The following SCN9A variants were observed in gnomAD, a reference collection of about 807,000 sequenced individuals.
The protein encoded by SCN9A is sodium voltage-gated channel alpha subunit 9.
SCN9A carries 131 observed loss-of-function variants against 187.0 expected under a neutral mutation model. The observed-to-expected ratio is 0.70, with a 90% CI of 0.61 to 0.81. SCN9A has a LOEUF of 0.81. SCN9A is among the 30% of genes least tolerant of loss of function. SCN9A has a pLI of 0.00. For synonymous variants in SCN9A, 809 were observed against 808.6 expected (o/e 1.00, Z -0.01); for missense variants, 2,252 against 2,396.6 (o/e 0.94, Z 1.26).
chr2:166,325,636 T>G (rs1699344806), intron 1 of SCN9A, among the ~76,000 whole-genome samples: 4 of 152,180 alleles, frequency 2.6e-5, no homozygotes, highest in South Asian at 4.1e-4. Context: ...AAATATCTTT[T>G]AAGTTGTTAA....
intron 1 of SCN9A, among the ~76,000 whole-genome samples, chr2:166,361,859 C>A (rs143829355): frequency 6.6e-6 from 1 of 151,936 alleles, no homozygotes; most frequent in Non-Finnish European, 1.5e-5. Context: ...TCATTAGCAG[C>A]GGATGCTCCA....
At chr2:166,370,756 T>C (rs1201589455) in intron 1 of SCN9A, among the ~76,000 whole-genome samples, 3 of 151,352 alleles carry the variant, frequency 2.0e-5, no homozygotes, top group Admixed American at 6.6e-5. Context: ...AAAAGTGGAG[T>C]AAAATTTGCC....
chr2:166,241,548 C>T (rs561311141), intron 19 of SCN9A, among the ~76,000 whole-genome samples: 1 of 152,106 alleles, frequency 6.6e-6, no homozygotes, highest in Non-Finnish European at 1.5e-5. Flanking sequence ...TTTTAATTTC[C>T]TGAATATCTG....
rs539504178 is a variant in SCN9A at position 166,196,880 on chromosome 2, A to G, written c.*1792T>C. The G allele has an allele frequency of 4.6e-5, 7 of 152,220 alleles. No individual in the cohort carries two copies. Among genetic ancestry groups the G allele is most frequent in the African/African-American group, 1.7e-4 (7 of 41,568 alleles). The allele number at this position is 152,220 out of a possible 1,614,324, so 9.4% of individuals were successfully genotyped here. A position where few individuals can be genotyped will look rare whatever the true frequency, so the allele number is the denominator to read the frequency against. On this transcript the variant is annotated 3_prime_UTR_variant, in exon 27 of 27. Coordinates refer to ENST00000642356, the MANE Select transcript of SCN9A (RefSeq NM_001365536.1). ...TGAGTTTTATACGTAGATTAGGACAAATGTCTCAAAGTAATAACGGATGTT... is the reference window on the plus strand; with the variant it reads ...TGAGTTTTATACGTAGATTAGGACAGATGTCTCAAAGTAATAACGGATGTT...
rs532594263 is a variant in SCN9A at position 166,255,600 on chromosome 2, A to G, written c.3352-3715T>C. On this transcript the variant is annotated intron_variant, in intron 17 of 26. Transcript: ENST00000642356. The stretch of plus-strand genomic sequence containing the variant: ...ACTGTACAAAACACAGAACTCAACA[A>G]AAACCTTACTCAAAGAGAATGATTG... Among the ~76,000 whole-genome samples the G allele has an allele frequency of 3.3e-5, 5 of 151,620 alleles. No homozygotes were observed. The South Asian group carries it at 1.0e-3, about 31-fold the overall frequency.
rs750815290 is a variant in SCN9A, at chr2:166,198,651, C to T, written c.*21G>A. ...ATAAATCACTTTCACAGGCTGTAAA[C>T]AATATATCAAAAATGAAGCTCTATT... is the stretch of plus-strand genomic sequence containing the variant. On this transcript the variant is annotated 3_prime_UTR_variant, in exon 27 of 27. Coordinates refer to ENST00000642356, the MANE Select transcript of SCN9A (RefSeq NM_001365536.1). 1 of 1,520,668 alleles carries T rather than the reference C, an allele frequency of 6.6e-7. No homozygotes were observed. Among genetic ancestry groups the T allele is most frequent in the Admixed American group, 2.0e-5 (1 of 49,528 alleles). The allele number at this position is 1,520,668 out of a possible 1,614,324, so 94.2% of individuals were successfully genotyped here.
chr2:166,231,942 C>G (rs538089286), intron 21 of SCN9A, among the ~76,000 whole-genome samples: 7 of 152,160 alleles, frequency 4.6e-5, no homozygotes, highest in African/African-American at 1.7e-4. Flanking sequence ...AAGTAAAATA[C>G]AATATAATGA....
chr2:166,221,901 A>G (rs927758185), intron 24 of SCN9A, among the ~76,000 whole-genome samples: 1 of 152,198 alleles, frequency 6.6e-6, no homozygotes, highest in African/African-American at 2.4e-5. Flanking sequence ...TGTTGGGAAA[A>G]CTGGATATTC....
At chr2:166,249,925 T>C (rs529820757) in intron 18 of SCN9A, among the ~76,000 whole-genome samples, 1 of 152,222 alleles carries the variant, frequency 6.6e-6, no homozygotes, top group East Asian at 1.9e-4. Context: ...TAAGTCTATA[T>C]ACTGCTAATA....
chr2:166,320,177 T>C (rs1699202767), intron 1 of SCN9A, among the ~76,000 whole-genome samples: 1 of 152,128 alleles, frequency 6.6e-6, no homozygotes, highest in Non-Finnish European at 1.5e-5. Flanking sequence ...AAGTGATTAT[T>C]CCCTAGATAA....
At position 166,204,376 on chromosome 2, in the gene SCN9A, G is replaced by A. The variant is rs1390273233; in HGVS notation, c.4487C>T (p.Pro1496Leu). Residue 1496 changes from proline (P) to leucine (L), a missense_variant, in exon 25 of 27, where the codon CCA becomes CTA. This residue lies in a region of SCN9A where 368 missense variants were observed against 408.6 expected (regional missense o/e 0.90). Transcript: ENST00000642356. ...TTTTTTTACCCCTGGTCGAGGAATTGGCTTTTGTGGCTTCTTGGACCCCAG... is the reference window on the plus strand; with the variant it reads ...TTTTTTTACCCCTGGTCGAGGAATTAGCTTTTGTGGCTTCTTGGACCCCAG... Reference protein sequence around the residue: ...KKLGSKKPQKPIPRPGNKIQG... With the variant: ...KKLGSKKPQKLIPRPGNKIQG... 1 of 1,608,086 alleles carries A rather than the reference G, an allele frequency of 6.2e-7. No individual in the cohort carries two copies. The highest frequency in any genetic ancestry group is 1.3e-5 in the African/African-American group (1 of 74,776).
chr2:166,321,702 A>T (rs1240704792), intron 1 of SCN9A, among the ~76,000 whole-genome samples: 1 of 152,026 alleles, frequency 6.6e-6, no homozygotes, highest in African/African-American at 2.4e-5. Flanking sequence ...AAAGTTTTTC[A>T]ATGTTTTAAT....
intron 17 of SCN9A, among the ~76,000 whole-genome samples, chr2:166,255,114 GAGAGGA>G (rs944206658): frequency 1.5e-5 from 2 of 130,696 alleles, no homozygotes; most frequent in African/African-American, 5.8e-5. Context: ...GAAAAAGAGA[GAGAGGA>G]GAGAGAGAGA....
At chr2:166,359,189 CT>C (rs1700221807) in intron 1 of SCN9A, among the ~76,000 whole-genome samples, 1 of 152,034 alleles carries the variant, frequency 6.6e-6, no homozygotes, top group Non-Finnish European at 1.5e-5. Flanking sequence ...TTAGATATTA[CT>C]CTTTTATGTG....
intron 2 of SCN9A, among the ~76,000 whole-genome samples, chr2:166,307,992 G>T (rs185496131): frequency 6.6e-6 from 1 of 152,150 alleles, no homozygotes; most frequent in Non-Finnish European, 1.5e-5. Flanking sequence ...ATTTCTCACC[G>T]TATTCAGGAG....
rs113840015 is a variant in SCN9A, at chr2:166,209,085, C to T, written c.4399-4621G>A. ...CAGCTACAAACATAGGAAAAGGGGA[C>T]GGTAGATTAGCTGTTTGAGAGACTC... On this transcript the variant is annotated intron_variant, in intron 24 of 26. Coordinates refer to ENST00000642356, the MANE Select transcript of SCN9A (RefSeq NM_001365536.1). Among the ~76,000 whole-genome samples, 956 of 152,206 alleles carry T rather than the reference C, an allele frequency of 6.3e-3. 5 individuals are homozygous for T. Among genetic ancestry groups the T allele is most frequent in the Middle Eastern group, 0.051 (15 of 294 alleles).
intron 1 of SCN9A, among the ~76,000 whole-genome samples, chr2:166,366,358 T>C (rs1034928081): frequency 3.9e-5 from 6 of 152,182 alleles, no homozygotes; most frequent in African/African-American, 7.2e-5. Context: ...GATTTCCTTC[T>C]TTTTTTAAGG....
chr2:166,231,385 A>G (rs1695076729), intron 21 of SCN9A, among the ~76,000 whole-genome samples: 1 of 152,126 alleles, frequency 6.6e-6, no homozygotes, highest in Non-Finnish European at 1.5e-5. Context: ...GATAATTAAA[A>G]TAGCAGAGAT....
intron 1 of SCN9A, among the ~76,000 whole-genome samples, chr2:166,366,047 C>T (rs566049151): frequency 3.3e-5 from 5 of 152,100 alleles, no homozygotes; most frequent in Non-Finnish European, 7.4e-5. Context: ...ACTCAGCAGC[C>T]GCTTACCACT....
Sources: gnomAD v4.1 joint callset for allele counts (sites outside exome capture counted in the v4.1 genomes callset) on GRCh38, gnomAD v4.1.1 for gene constraint, gnomAD v4.1.1 regional missense constraint, MANE v1.5 for transcripts, NCBI Gene and HGNC (gene_info 2026-07-23, HGNC 2026-07-21) for gene names.